SLC22A23: variants seen among roughly 807,000 people sequenced by gnomAD.
The protein encoded by SLC22A23 is solute carrier family 22 member 23.
Under a neutral mutation model 61.0 loss-of-function variants are expected in SLC22A23, and 26 were observed. That is an observed-to-expected ratio of 0.43 (90% CI 0.31 to 0.59). The LOEUF is 0.59. SLC22A23 is among the 20% of genes least tolerant of loss of function. The pLI, the probability that SLC22A23 is intolerant of heterozygous loss-of-function variation, is 0.11. For synonymous variants in SLC22A23, 430 were observed against 413.9 expected (o/e 1.04, Z -0.47); for missense variants, 796 against 934.7 (o/e 0.85, Z 1.94).
chr6:3,435,041 G>C (rs1771116000), intron 1 of SLC22A23, among the ~76,000 whole-genome samples: 1 of 152,112 alleles, frequency 6.6e-6, no homozygotes, highest in African/African-American at 2.4e-5. Context: ...GAGAACCCAG[G>C]CAACAAGGGT....
rs570843920 is a variant in SLC22A23, at chr6:3,286,777, G to A, written c.1546+82C>T. ...AGTAGATTTTAGAGTGGCCAGCGGA[G>A]TCTTATGCAGCCCTTTCAAATGCCC... On this transcript the variant is annotated intron_variant, in intron 7 of 9. Coordinates refer to ENST00000406686, the MANE Select transcript of SLC22A23 (RefSeq NM_015482.2). The surrounding 1 kb of genome is among the most constrained non-coding windows in gnomAD (Gnocchi z 4.2). The A allele has an allele frequency of 1.1e-5, 13 of 1,200,924 alleles. No individual in the cohort carries two copies. The South Asian group carries it at 1.1e-4, about 10-fold the overall frequency. The allele number at this position is 1,200,924 out of a possible 1,614,324, so 74.4% of individuals were successfully genotyped here. A position where few individuals can be genotyped will look rare whatever the true frequency, so the allele number is the denominator to read the frequency against.
At chr6:3,364,403 C>T (rs948066022) in intron 3 of SLC22A23, among the ~76,000 whole-genome samples, 3 of 152,154 alleles carry the variant, frequency 2.0e-5, no homozygotes, top group Admixed American at 2.0e-4. Context: ...GGACCTGAAC[C>T]TTGGTTTTCT....
At chr6:3,424,595 C>T (rs1006563336) in intron 1 of SLC22A23, among the ~76,000 whole-genome samples, 1 of 152,208 alleles carries the variant, frequency 6.6e-6, no homozygotes, top group African/African-American at 2.4e-5. Flanking sequence ...ATCCTGTACT[C>T]ATGATAAAAC....
intron 3 of SLC22A23, among the ~76,000 whole-genome samples, chr6:3,378,502 T>A (rs1014143250): frequency 6.6e-6 from 1 of 152,196 alleles, no homozygotes; most frequent in Non-Finnish European, 1.5e-5. Context: ...CTATTTTATG[T>A]GGTTCTTATC....
chr6:3,310,359 GT>G (rs1406032338), intron 4 of SLC22A23, among the ~76,000 whole-genome samples: 1 of 67,184 alleles, frequency 1.5e-5, no homozygotes, highest in Non-Finnish European at 3.4e-5. Flanking sequence ...GGAGCACCCT[GT>G]CTCCCACTCG....
intron 5 of SLC22A23, chr6:3,290,269 C>G (rs1760459560): frequency 3.3e-6 from 1 of 304,066 alleles, no homozygotes. Context: ...ACATGCAGTT[C>G]TTTTCCGTAC....
At chr6:3,358,288 A>G (rs1312967087) in intron 3 of SLC22A23, among the ~76,000 whole-genome samples, 1 of 123,534 alleles carries the variant, frequency 8.1e-6, no homozygotes, top group Non-Finnish European at 1.7e-5. Flanking sequence ...CGTTCACTGC[A>G]GTGTTATCCA....
chr6:3,392,436 G>A (rs367699843), intron 3 of SLC22A23, among the ~76,000 whole-genome samples: 2 of 152,204 alleles, frequency 1.3e-5, no homozygotes, highest in South Asian at 2.1e-4. Flanking sequence ...TAGACAGATC[G>A]ATGCAGGAGA....
chr6:3,303,699 G>A (rs551900083), intron 4 of SLC22A23, among the ~76,000 whole-genome samples: 1 of 152,244 alleles, frequency 6.6e-6, no homozygotes, highest in South Asian at 2.1e-4. Flanking sequence ...GGCTAGGAAG[G>A]GTAGGGGGAA....
At chr6:3,376,466 G>T (rs1305070076) in intron 3 of SLC22A23, among the ~76,000 whole-genome samples, 3 of 151,896 alleles carry the variant, frequency 2.0e-5, no homozygotes, top group Non-Finnish European at 4.4e-5. Context: ...GTAGCTCTGT[G>T]CCTCTTTCAC....
intron 4 of SLC22A23, chr6:3,323,338 T>C (rs1251259705): frequency 6.6e-6 from 3 of 456,582 alleles, no homozygotes; most frequent in East Asian, 6.9e-5. Flanking sequence ...CACACGAGCA[T>C]GGCTGTGTTC....
chr6:3,422,774 T>C (rs974686571), intron 1 of SLC22A23, among the ~76,000 whole-genome samples: 3 of 152,202 alleles, frequency 2.0e-5, no homozygotes, highest in African/African-American at 4.8e-5. Context: ...AAATTGCTCC[T>C]CATCTTTCCT....
intron 3 of SLC22A23, among the ~76,000 whole-genome samples, chr6:3,402,995 C>T (rs951090141): frequency 1.3e-5 from 2 of 152,184 alleles, no homozygotes; most frequent in African/African-American, 4.8e-5. Context: ...GCAGGATGCG[C>T]TGATTTGAGA....
chr6:3,340,092 G>A (rs1764066951), intron 3 of SLC22A23, among the ~76,000 whole-genome samples: 1 of 152,134 alleles, frequency 6.6e-6, no homozygotes, highest in Non-Finnish European at 1.5e-5. Flanking sequence ...GTGCTTCCTA[G>A]CCCAGAGAGC....
At chr6:3,356,952 A>G (rs929290711) in intron 3 of SLC22A23, among the ~76,000 whole-genome samples, 3 of 150,944 alleles carry the variant, frequency 2.0e-5, no homozygotes, top group African/African-American at 7.3e-5. Context: ...CTAGATCCCA[A>G]CTGTCGTGGT....
intron 4 of SLC22A23, among the ~76,000 whole-genome samples, chr6:3,315,399 G>A (rs1381440295): frequency 6.6e-6 from 1 of 152,210 alleles, no homozygotes; most frequent in Non-Finnish European, 1.5e-5. Flanking sequence ...GACCAAGTTT[G>A]TTTTACTTGC....
chr6:3,282,850 C>A (rs559253329), intron 9 of SLC22A23, among the ~76,000 whole-genome samples: 2 of 152,198 alleles, frequency 1.3e-5, no homozygotes, highest in East Asian at 3.9e-4. Flanking sequence ...CAGTAAATGG[C>A]GTGTAGCACC....
At chr6:3,350,266 C>T (rs560779151) in intron 3 of SLC22A23, among the ~76,000 whole-genome samples, 1 of 152,124 alleles carries the variant, frequency 6.6e-6, no homozygotes, top group Non-Finnish European at 1.5e-5. Context: ...GTTTTAAAAG[C>T]TGCTCTAAAG....
intron 5 of SLC22A23, among the ~76,000 whole-genome samples, chr6:3,293,613 C>A (rs988888150): frequency 6.6e-6 from 1 of 152,254 alleles, no homozygotes; most frequent in East Asian, 1.9e-4. Flanking sequence ...CAGACACAGG[C>A]TCCACCTAAC....
Sources: gnomAD v4.1 joint callset for allele counts (sites outside exome capture counted in the v4.1 genomes callset) on GRCh38, gnomAD v4.1.1 for gene constraint, Gnocchi (gnomAD v3.1) non-coding constraint, MANE v1.5 for transcripts, NCBI Gene and HGNC (gene_info 2026-07-23, HGNC 2026-07-21) for gene names.